Variants in MAGI1 observed in about 807,000 individuals in gnomAD.
The protein encoded by MAGI1 is membrane-associated guanylate kinase, WW and PDZ domain-containing protein 1.
Under a neutral mutation model 139.9 loss-of-function variants are expected in MAGI1, and 58 were observed. That is an observed-to-expected ratio of 0.41 (90% CI 0.34 to 0.52). The LOEUF is 0.52. Ranked by LOEUF, MAGI1 falls within the 20% of genes least tolerant of loss-of-function variation. The pLI is 0.12. For synonymous variants in MAGI1, 812 were observed against 737.9 expected (o/e 1.10, Z -1.63); for missense variants, 1,874 against 1,901.6 (o/e 0.99, Z 0.27).
rs111255168 is a variant in MAGI1, at chr3:65,943,655, G to A, written c.313+94341C>T. On this transcript the variant is annotated intron_variant, in intron 1 of 22. Transcript: ENST00000402939. ...TGTGTGTGATTGTGTGTGTGTGTGT[G>A]TATATATATATGTGTGTATATAGAT... is the stretch of plus-strand genomic sequence containing the variant. 4.3e-3 allele frequency among the ~76,000 whole-genome samples: 659 copies of A among 151,532 alleles called. 2 individuals are homozygous for A. The highest frequency in any genetic ancestry group is 0.015 in the African/African-American group (609 of 41,316).
At chr3:65,497,023 G>C (rs1471660195) in intron 2 of MAGI1, among the ~76,000 whole-genome samples, 3 of 152,062 alleles carry the variant, frequency 2.0e-5, no homozygotes, top group Non-Finnish European at 4.4e-5. Context: ...TTTGGGAAAA[G>C]GGAAAATCAA....
chr3:65,858,363 C>A (rs2059437765), intron 1 of MAGI1, among the ~76,000 whole-genome samples: 4 of 152,148 alleles, frequency 2.6e-5, no homozygotes, highest in Admixed American at 1.3e-4. Context: ...GGAGCTCAGC[C>A]TACCATCTAT....
chr3:66,012,638 C>T (rs541965233), intron 1 of MAGI1, among the ~76,000 whole-genome samples: 1 of 151,866 alleles, frequency 6.6e-6, no homozygotes, highest in East Asian at 1.9e-4. Flanking sequence ...TGGTGGTACA[C>T]ATCTGTAATC....
intron 1 of MAGI1, among the ~76,000 whole-genome samples, chr3:65,703,523 T>C (rs144803366): frequency 6.6e-6 from 1 of 152,338 alleles, no homozygotes; most frequent in East Asian, 1.9e-4. Flanking sequence ...CTGATGGATC[T>C]TCCAGCCAGG....
intron 12 of MAGI1, among the ~76,000 whole-genome samples, chr3:65,417,965 G>T (rs1029897567): frequency 3.9e-5 from 6 of 152,142 alleles, no homozygotes; most frequent in African/African-American, 1.4e-4. Flanking sequence ...GCCCCTTAGG[G>T]GACATCTGTC....
chr3:65,649,580 C>T (rs143644517), intron 1 of MAGI1, among the ~76,000 whole-genome samples: 10 of 152,150 alleles, frequency 6.6e-5, no homozygotes, highest in African/African-American at 2.4e-4. Context: ...TATTTGCAAA[C>T]TATATATCTA....
intron 1 of MAGI1, among the ~76,000 whole-genome samples, chr3:65,817,183 A>G (rs1453474347): frequency 6.6e-6 from 1 of 152,200 alleles, no homozygotes; most frequent in Admixed American, 6.5e-5. Flanking sequence ...TCAATGGACT[A>G]ATTCTGAAGA....
intron 1 of MAGI1, among the ~76,000 whole-genome samples, chr3:65,664,669 C>T (rs564001805): frequency 6.6e-6 from 1 of 152,174 alleles, no homozygotes; most frequent in Non-Finnish European, 1.5e-5. Context: ...ATACTCACAG[C>T]ACTTTCACGA....
intron 1 of MAGI1, among the ~76,000 whole-genome samples, chr3:65,996,768 G>A (rs73833326): frequency 0.012 from 1,786 of 152,304 alleles, 30 homozygotes; most frequent in African/African-American, 0.04. Flanking sequence ...TCGGAGGGCC[G>A]GGCACTCACG....
At chr3:65,623,308 T>C (rs751744653) in intron 1 of MAGI1, among the ~76,000 whole-genome samples, 3 of 152,202 alleles carry the variant, frequency 2.0e-5, no homozygotes, top group Admixed American at 1.3e-4. Context: ...TCTGTGTTTA[T>C]TTCTTTGCAA....
chr3:65,574,912 A>G (rs1053184034), intron 2 of MAGI1, among the ~76,000 whole-genome samples: 1 of 152,106 alleles, frequency 6.6e-6, no homozygotes, highest in African/African-American at 2.4e-5. Context: ...ACATTTAAAA[A>G]AATTAACTTC....
chr3:65,991,302 AAAG>A (rs1560089322), intron 1 of MAGI1, among the ~76,000 whole-genome samples: 1 of 130,332 alleles, frequency 7.7e-6, no homozygotes, highest in African/African-American at 3.5e-5. Context: ...AAAAAAAAAA[AAAG>A]GTAAAAAAAA....
chr3:65,774,903 C>A (rs1461754865), intron 1 of MAGI1, among the ~76,000 whole-genome samples: 1 of 152,106 alleles, frequency 6.6e-6, no homozygotes. Context: ...AATTACTTAG[C>A]CTTTCTAAGC....
intron 1 of MAGI1, among the ~76,000 whole-genome samples, chr3:65,651,768 A>T (rs746498681): frequency 6.6e-6 from 1 of 152,122 alleles, no homozygotes; most frequent in Non-Finnish European, 1.5e-5. Context: ...TGAAAGCAAC[A>T]ATGTGCCCCA....
intron 22 of MAGI1, among the ~76,000 whole-genome samples, chr3:65,358,531 G>A (rs906007864): frequency 1.3e-5 from 2 of 152,152 alleles, no homozygotes; most frequent in African/African-American, 4.8e-5. Context: ...AAATAATCTG[G>A]GTGTTTTGGG....
intron 2 of MAGI1, among the ~76,000 whole-genome samples, chr3:65,503,186 C>T (rs1158987765): frequency 2.6e-5 from 4 of 152,142 alleles, no homozygotes; most frequent in Admixed American, 6.5e-5. Flanking sequence ...GAATTGATGC[C>T]TCATTGTAAA....
At chr3:65,923,145 C>A (rs1452061318) in intron 1 of MAGI1, among the ~76,000 whole-genome samples, 2 of 152,218 alleles carry the variant, frequency 1.3e-5, no homozygotes, top group South Asian at 2.1e-4. Flanking sequence ...CTATGTAAGA[C>A]CTATACTTGC....
intron 3 of MAGI1, among the ~76,000 whole-genome samples, chr3:65,484,431 G>A (rs939161481): frequency 6.6e-6 from 1 of 152,178 alleles, no homozygotes; most frequent in African/African-American, 2.4e-5. Flanking sequence ...CATTTTCAAC[G>A]GGGCAATATC....
At chr3:65,953,420 A>C (rs1234123359) in intron 1 of MAGI1, among the ~76,000 whole-genome samples, 2 of 152,186 alleles carry the variant, frequency 1.3e-5, no homozygotes, top group Non-Finnish European at 2.9e-5. Context: ...GTGATAAGCC[A>C]GGTTTCAACT....
Sources: gnomAD v4.1 joint callset for allele counts (sites outside exome capture counted in the v4.1 genomes callset) on GRCh38, gnomAD v4.1.1 for gene constraint, MANE v1.5 for transcripts, NCBI Gene and HGNC (gene_info 2026-07-23, HGNC 2026-07-21) for gene names.